MED23: variants seen among roughly 807,000 people sequenced by gnomAD.
The protein encoded by MED23 is mediator of RNA polymerase II transcription subunit 23.
A neutral mutation model predicts 163.9 loss-of-function variants in MED23; 105 were observed. The ratio of observed to expected loss-of-function variants is 0.64; its 90% CI spans 0.55 to 0.75. The LOEUF (loss-of-function observed/expected upper bound fraction) is 0.75. Among genes scored for constraint, MED23 ranks in the 30% least tolerant of loss-of-function variants. The pLI is 0.00. For synonymous variants in MED23, 561 were observed against 565.6 expected, an observed-to-expected ratio of 0.99 and a Z score of 0.12; for missense variants, 1,054 against 1,649.0, an observed-to-expected ratio of 0.64 and a Z score of 6.25.
At chr6:131,602,490 T>TA (rs1470272801) in intron 16 of MED23, 109 bp from the exon 17 acceptor site, 11 of 965,958 alleles carry the variant, frequency 1.1e-5, no homozygotes, top group African/African-American at 6.6e-5. Context: ...ATCCCTTCTT[T>TA]AAAAAAACAC....
downstream of MED23, chr6:131,583,922 C>A (rs768028958): frequency 3.7e-6 from 6 of 1,612,560 alleles, no homozygotes; most frequent in African/African-American, 4.0e-5. Context: ...TGGAAACATC[C>A]GATATAAATC....
chr6:131,581,483 T>C, intron 30 of MED23: 1 of 1,327,938 alleles, frequency 7.5e-7, no homozygotes, highest in African/African-American at 1.5e-5. Context: ...CTTGGTGTAA[T>C]CTCAAATCAT....
intron 30 of MED23, among the ~76,000 whole-genome samples, chr6:131,575,034 G>A (rs1179063279): frequency 2.6e-5 from 4 of 152,110 alleles, no homozygotes; most frequent in Non-Finnish European, 5.9e-5. Context: ...TTAGAAAGTC[G>A]GTGGAGCTGA....
chr6:131,627,529 T>C, intron 2 of MED23, 46 bp from the exon 3 acceptor site: 1 of 1,592,370 alleles, frequency 6.3e-7, no homozygotes, highest in Non-Finnish European at 8.6e-7. Flanking sequence ...TTTAAAAAGG[T>C]AATTACACAC....
chr6:131,593,216 T>G (rs1052795495), intron 23 of MED23, 45 bp from the exon 24 acceptor site: 1 of 1,609,658 alleles, frequency 6.2e-7, no homozygotes, highest in African/African-American at 1.3e-5. Flanking sequence ...CTCATCTGAT[T>G]GTCAATTTAT....
chr6:131,594,300 A>G lies in MED23; in HGVS notation c.3031T>C (p.Tyr1011His). 6.2e-7 allele frequency: 1 copy of G among 1,614,170 alleles called. No homozygotes were observed. The highest frequency in any genetic ancestry group is 8.5e-7 in the Non-Finnish European group (1 of 1,179,988). ...CGGTCTCTCAGGTGCATTTCATAAT[A>G]GTGCAGAGTGTTATACAGATAAGTC... ...PVTYLYNTLH[Y>H]YEMHLRDRAF... Residue 1011 changes from tyrosine to histidine, a missense_variant, in exon 23 of 29, where the codon TAT (tyrosine) becomes CAT (histidine). This residue lies in a region of MED23 where 362 missense variants were observed against 471.6 expected (regional missense o/e 0.77). Coordinates refer to ENST00000368068, the MANE Select transcript of MED23 (RefSeq NM_004830.4).
At chr6:131,620,873 G>A in intron 6 of MED23, 144 bp from the exon 7 acceptor site, 1 of 533,822 alleles carries the variant, frequency 1.9e-6, no homozygotes, top group Non-Finnish European at 3.2e-6. Context: ...CGTAATCATG[G>A]CTCACTACAT....
chr6:131,583,996 G>C, downstream of MED23: 1 of 1,452,898 alleles, frequency 6.9e-7, no homozygotes, highest in Non-Finnish European at 9.5e-7. Flanking sequence ...TCCTTCTAAA[G>C]ACTTGTTCTT....
At chr6:131,579,721 A>T (rs924183877) in intron 30 of MED23, 1 of 158,974 alleles carries the variant, frequency 6.3e-6, no homozygotes, top group Admixed American at 6.3e-5. Flanking sequence ...ACAAGAAAAA[A>T]AATGTGGTAA....
At chr6:131,581,156 A>G in intron 30 of MED23, 1 of 1,533,152 alleles carries the variant, frequency 6.5e-7, no homozygotes, top group East Asian at 2.2e-5. Context: ...CATTGAGTGA[A>G]TAATATGATG....
At chr6:131,618,148 T>A (rs906709767) in intron 9 of MED23, among the ~76,000 whole-genome samples, 3 of 152,194 alleles carry the variant, frequency 2.0e-5, no homozygotes, top group African/African-American at 7.2e-5. Context: ...CAATTTAAAA[T>A]TTCAGTTTGC....
rs192189748 is a variant in MED23 at position 131,612,292 on chromosome 6, A to G, written c.877-2046T>C. ...CAAATTTTGGTAACATCAAAAAAAAAAAAAGAAAAGTCTGAGATACAAAAT... is the reference window on the plus strand; with the variant it reads ...CAAATTTTGGTAACATCAAAAAAAAGAAAAGAAAAGTCTGAGATACAAAAT... On this transcript the variant is annotated intron_variant, in intron 10 of 28. Transcript: ENST00000368068. Among the ~76,000 whole-genome samples the G allele has an allele frequency of 4.6e-5, 7 of 152,180 alleles. No individual in the cohort carries two copies. The East Asian group carries it at 9.6e-4, about 21-fold the overall frequency.
chr6:131,581,518 G>T (rs1273949084), intron 30 of MED23: 3 of 1,051,636 alleles, frequency 2.9e-6, no homozygotes, highest in Admixed American at 2.1e-5. Flanking sequence ...ATAAGCAAAG[G>T]GTTGGTTGAT....
chr6:131,592,100 T>C, intron 25 of MED23: 1 of 448,410 alleles, frequency 2.2e-6, no homozygotes, highest in East Asian at 4.3e-5. Context: ...CAAGAGTAGA[T>C]CAAGCTATTA....
downstream of MED23, chr6:131,582,707 T>C: frequency 6.2e-7 from 1 of 1,613,646 alleles, no homozygotes; most frequent in Middle Eastern, 1.7e-4. Flanking sequence ...ACGTGGACCC[T>C]GGGGAACAGT....
rs529954522 is a variant in MED23 at position 131,623,181 on chromosome 6, G to T, written c.396+170C>A. Among the ~76,000 whole-genome samples the T allele has an allele frequency of 2.3e-3, 345 of 152,310 alleles. 3 individuals carry two copies. The highest frequency in any genetic ancestry group is 4.0e-3 in the Non-Finnish European group (275 of 68,024). On this transcript the variant is annotated intron_variant, in intron 5 of 28. Coordinates refer to ENST00000368068, the MANE Select transcript of MED23 (RefSeq NM_004830.4). ...AGAATGTTGGGAGGGGAGTAGCGGA[G>T]CCAGGGAAACAACTGAGTAACTTTA...
chr6:131,619,747 A>T, intron 8 of MED23, 80 bp downstream of exon 8: 1 of 1,078,760 alleles, frequency 9.3e-7, no homozygotes, highest in Non-Finnish European at 1.4e-6. Context: ...ACATATTAAG[A>T]GAACATCCCT....
At chr6:131,603,801 C>T (rs1444879486) in intron 15 of MED23, among the ~76,000 whole-genome samples, 1 of 152,152 alleles carries the variant, frequency 6.6e-6, no homozygotes, top group Non-Finnish European at 1.5e-5. Context: ...AAAATTCCTT[C>T]TTTATTTCCA....
At chr6:131,615,680 G>T (rs1362315163) in intron 10 of MED23, 2 of 615,148 alleles carry the variant, frequency 3.3e-6, no homozygotes, top group Non-Finnish European at 5.8e-6. Flanking sequence ...AGAAAAAAAA[G>T]CAATGCAAAA....
Sources: gnomAD v4.1 joint callset for allele counts (sites outside exome capture counted in the v4.1 genomes callset) on GRCh38, gnomAD v4.1.1 for gene constraint, gnomAD v4.1.1 regional missense constraint, MANE v1.5 for transcripts, NCBI Gene and HGNC (gene_info 2026-07-23, HGNC 2026-07-21) for gene names.